MDGA2: variants seen among roughly 807,000 people sequenced by gnomAD.
MDGA2 encodes the protein MAM domain-containing glycosylphosphatidylinositol anchor protein 2.
In MDGA2, 40 loss-of-function variants were observed where a neutral mutation model predicts 117.8. The ratio of observed to expected loss-of-function variants is 0.34; its 90% confidence interval spans 0.26 to 0.44. The LOEUF is 0.44. Among genes scored for constraint, MDGA2 ranks in the 20% least tolerant of loss-of-function variants. The pLI, the probability that MDGA2 is intolerant of heterozygous loss-of-function variation, is 1.00. For synonymous variants in MDGA2, 452 were observed against 439.0 expected (o/e 1.03, Z -0.37); for missense variants, 1,123 against 1,250.6 (o/e 0.90, Z 1.54).
intron 1 of MDGA2, among the ~76,000 whole-genome samples, chr14:47,551,497 C>A (rs2038312): frequency 6.6e-6 from 1 of 152,060 alleles, no homozygotes; most frequent in African/African-American, 2.4e-5. Flanking sequence ...CATGAAACAC[C>A]CTGACATTTT....
chr14:47,429,446 T>G (rs1198213338), intron 1 of MDGA2, among the ~76,000 whole-genome samples: 2 of 152,128 alleles, frequency 1.3e-5, no homozygotes, highest in Non-Finnish European at 2.9e-5. Flanking sequence ...CTCTTTCACT[T>G]TATTCATGGT....
At chr14:47,133,032 G>A (rs1253508304) in intron 4 of MDGA2, among the ~76,000 whole-genome samples, 1 of 151,166 alleles carries the variant, frequency 6.6e-6, no homozygotes, top group Non-Finnish European at 1.5e-5. Context: ...GCATGGAATT[G>A]TGGCCATAAG....
intron 1 of MDGA2, among the ~76,000 whole-genome samples, chr14:47,547,963 G>C (rs1034845252): frequency 6.6e-6 from 1 of 151,654 alleles, no homozygotes; most frequent in Admixed American, 6.6e-5. Context: ...AACTATGTTC[G>C]CCCCTCCCCT....
intron 1 of MDGA2, among the ~76,000 whole-genome samples, chr14:47,421,378 C>T (rs1892575583): frequency 6.6e-6 from 1 of 152,142 alleles, no homozygotes; most frequent in Non-Finnish European, 1.5e-5. Flanking sequence ...GCTGGCATCA[C>T]AGATGGTCAA....
chr14:46,949,718 C>CAT (rs1595063468), intron 9 of MDGA2, among the ~76,000 whole-genome samples: 2 of 151,966 alleles, frequency 1.3e-5, no homozygotes, highest in East Asian at 1.9e-4. Flanking sequence ...TAGTATTCCT[C>CAT]ATATATATAC....
rs770232223 is a variant in MDGA2, at chr14:46,957,594, A to G, written c.1869T>C (p.Asp623=). The G allele has an allele frequency of 6.2e-7, 1 of 1,614,160 alleles. No individual in the cohort carries two copies. The highest frequency in any genetic ancestry group is 8.5e-7 in the Non-Finnish European group (1 of 1,180,008). Reference sequence around the variant, plus strand: ...CTCTGCAACTCATAGTGACACTTCGATCCTGTCCTTGCCGGATTTCCAAGA... The same window carrying G: ...CTCTGCAACTCATAGTGACACTTCGGTCCTGTCCTTGCCGGATTTCCAAGA... ...PAFLEIRQGQ[D]RSVTMSCRVL... Residue 623 remains aspartate, a synonymous_variant, in exon 9 of 17, where the codon GAT becomes GAC. Transcript: ENST00000399232.
chr14:47,158,925 G>C lies in MDGA2; in HGVS notation c.596-14651C>G, dbSNP rs116207154. On this transcript the variant is annotated intron_variant, in intron 3 of 16. Transcript: ENST00000399232. The stretch of plus-strand genomic sequence containing the variant: ...AGGAATCTTAAATGCATATGAGTAG[G>C]TGAAAGAAGCCAATCTGTAAAGGCA... 3.6e-3 allele frequency among the ~76,000 whole-genome samples: 554 copies of C among 152,300 alleles called. 2 individuals are homozygous for C. Among genetic ancestry groups the C allele is most frequent in the African/African-American group, 0.013 (531 of 41,560 alleles).
intron 8 of MDGA2, among the ~76,000 whole-genome samples, chr14:47,032,018 C>A (rs573088739): frequency 6.6e-6 from 1 of 152,218 alleles, no homozygotes; most frequent in East Asian, 1.9e-4. Flanking sequence ...ACTAACAAAC[C>A]AGGCATGCAT....
intron 2 of MDGA2, among the ~76,000 whole-genome samples, chr14:47,248,714 T>C (rs1033096433): frequency 6.6e-6 from 1 of 152,160 alleles, no homozygotes; most frequent in Non-Finnish European, 1.5e-5. Flanking sequence ...ATCTTATTAG[T>C]GGCTAGAAAA....
At chr14:47,442,364 G>A (rs1893030811) in intron 1 of MDGA2, among the ~76,000 whole-genome samples, 1 of 152,108 alleles carries the variant, frequency 6.6e-6, no homozygotes, top group African/African-American at 2.4e-5. Flanking sequence ...AAGGCAAACA[G>A]TTGTCTGTAG....
At chr14:47,321,032 T>A (rs1161697084) in intron 1 of MDGA2, among the ~76,000 whole-genome samples, 1 of 152,180 alleles carries the variant, frequency 6.6e-6, no homozygotes, top group East Asian at 1.9e-4. Context: ...ATGGCAAGGA[T>A]ATGACCGTTC....
chr14:47,640,079 G>A (rs1897395546), intron 1 of MDGA2, among the ~76,000 whole-genome samples: 1 of 152,134 alleles, frequency 6.6e-6, no homozygotes, highest in African/African-American at 2.4e-5. Context: ...CTTCCTATTA[G>A]CTATGCTCTC....
intron 5 of MDGA2, among the ~76,000 whole-genome samples, chr14:47,110,004 G>A (rs1880949515): frequency 6.6e-6 from 1 of 152,132 alleles, no homozygotes; most frequent in Non-Finnish European, 1.5e-5. Context: ...GTGAAATAGT[G>A]TGACAGATGA....
intron 1 of MDGA2, among the ~76,000 whole-genome samples, chr14:47,594,211 A>T (rs1290936649): frequency 6.6e-6 from 1 of 152,196 alleles, no homozygotes. Context: ...GATTTTGTGT[A>T]GGACAAACAT....
chr14:47,380,171 A>G (rs549492929), intron 1 of MDGA2, among the ~76,000 whole-genome samples: 1 of 152,322 alleles, frequency 6.6e-6, no homozygotes, highest in African/African-American at 2.4e-5. Flanking sequence ...TTTGAAACCA[A>G]TGAGAACAAA....
intron 1 of MDGA2, among the ~76,000 whole-genome samples, chr14:47,494,766 T>G (rs1894243676): frequency 6.6e-6 from 1 of 151,868 alleles, no homozygotes; most frequent in Non-Finnish European, 1.5e-5. Context: ...CCCAGCACCA[T>G]TTATTGAATA....
intron 1 of MDGA2, chr14:47,343,153 A>G: frequency 8.6e-7 from 1 of 1,164,650 alleles, no homozygotes; most frequent in East Asian, 6.7e-5. Flanking sequence ...GGTTACTTTG[A>G]GGACTAATTT....
chr14:47,607,708 G>A (rs1441482924), intron 1 of MDGA2, among the ~76,000 whole-genome samples: 1 of 152,136 alleles, frequency 6.6e-6, no homozygotes, highest in Non-Finnish European at 1.5e-5. Flanking sequence ...TGCATCCAGA[G>A]TAAGTGGTTT....
intron 1 of MDGA2, among the ~76,000 whole-genome samples, chr14:47,560,759 T>G (rs1895783733): frequency 6.6e-6 from 1 of 152,232 alleles, no homozygotes; most frequent in Admixed American, 6.5e-5. Flanking sequence ...GCTTTTGGCA[T>G]CTTCATCATG....
Sources: allele counts gnomAD v4.1 joint callset (sites outside exome capture counted in the v4.1 genomes callset), GRCh38; gene constraint gnomAD v4.1.1; transcripts MANE v1.5; gene names NCBI Gene and HGNC (gene_info 2026-07-23, HGNC 2026-07-21).